The following LRRC27 variants were observed in gnomAD, a reference collection of about 807,000 sequenced individuals.
The protein encoded by LRRC27 is leucine-rich repeat-containing protein 27.
In LRRC27, 57 loss-of-function variants were observed where a neutral mutation model predicts 55.0. The ratio of observed to expected loss-of-function variants is 1.04; its 90% CI spans 0.84 to 1.29. LRRC27 has a LOEUF of 1.29. Among genes scored for constraint, LRRC27 ranks in the 50% most tolerant of loss-of-function variants. The pLI, the probability that LRRC27 is intolerant of heterozygous loss-of-function variation, is 0.00. For synonymous variants in LRRC27, 278 were observed against 251.9 expected (o/e 1.10, Z -0.98); for missense variants, 721 against 651.5 (o/e 1.11, Z -1.16).
chr10:132,337,359 G>A (rs928979378), intron 2 of LRRC27: 36 of 1,354,362 alleles, frequency 2.7e-5, no homozygotes, highest in South Asian at 1.5e-4. Flanking sequence ...TCCAAAGGCC[G>A]CCGGAAGGAG....
intron 5 of LRRC27, among the ~76,000 whole-genome samples, chr10:132,346,522 A>G (rs187163250): frequency 7.2e-5 from 11 of 152,266 alleles, no homozygotes; most frequent in African/African-American, 2.4e-4. Context: ...TAAAAATACA[A>G]AAAATTAGTT....
chr10:132,337,844 G>T, intron 3 of LRRC27, 149 bp downstream of exon 3: 1 of 875,840 alleles, frequency 1.1e-6, no homozygotes, highest in Non-Finnish European at 1.7e-6. Context: ...AAGAGGTTGC[G>T]ACGGCTGAAT....
chr10:132,368,360 C>A (rs1016905545), intron 10 of LRRC27, among the ~76,000 whole-genome samples: 3 of 152,062 alleles, frequency 2.0e-5, no homozygotes, highest in Non-Finnish European at 4.4e-5. Context: ...AGGATGAGAC[C>A]TAGAATATCC....
chr10:132,359,943 GC>G (rs2068531108), intron 8 of LRRC27, among the ~76,000 whole-genome samples: 1 of 152,146 alleles, frequency 6.6e-6, no homozygotes, highest in African/African-American at 2.4e-5. Flanking sequence ...TTGGTTCTTT[GC>G]TTGCTCACTC....
At chr10:132,353,698 G>C (rs535320600) in intron 7 of LRRC27, among the ~76,000 whole-genome samples, 1 of 152,194 alleles carries the variant, frequency 6.6e-6, no homozygotes, top group South Asian at 2.1e-4. Context: ...TGCTGGCCAC[G>C]GGCCACAGCT....
chr10:132,333,004 A>C lies in LRRC27; in HGVS notation c.-48-473A>C, dbSNP rs1338941486. ...CCCGGTGCTTAACTGGGTGTAAGCC[A>C]GACTTAGTTCTGGTCACTGGGTCAA... On this transcript the variant is annotated intron_variant, in intron 1 of 10. Coordinates refer to ENST00000368614, the MANE Select transcript of LRRC27 (RefSeq NM_030626.3). 1.3e-5 allele frequency among the ~76,000 whole-genome samples: 2 copies of C among 152,250 alleles called. 1 individual carries two copies. The highest frequency in any genetic ancestry group is 3.8e-4 in the East Asian group (2 of 5,206).
At chr10:132,366,267 G>A (rs1372216032) in intron 10 of LRRC27, 1 of 152,990 alleles carries the variant, frequency 6.5e-6, no homozygotes, top group Non-Finnish European at 1.5e-5. Flanking sequence ...GAGGCCACCG[G>A]ACCATGGCTG....
At chr10:132,345,324 G>A (rs1217246895) in intron 5 of LRRC27, among the ~76,000 whole-genome samples, 3 of 152,176 alleles carry the variant, frequency 2.0e-5, no homozygotes, top group African/African-American at 7.2e-5. Context: ...TAAGAAAAAT[G>A]CATGTTTGGA....
At chr10:132,343,102 G>A (rs184062735) in intron 4 of LRRC27, among the ~76,000 whole-genome samples, 19 of 152,288 alleles carry the variant, frequency 1.2e-4, no homozygotes, top group Admixed American at 1.2e-3. Flanking sequence ...GAAGCCAGGA[G>A]TTTGAAACCA....
At chr10:132,349,174 T>A (rs1395339109) in intron 6 of LRRC27, 20 of 748,030 alleles carry the variant, frequency 2.7e-5, no homozygotes, top group Non-Finnish European at 4.6e-5. Flanking sequence ...GATCATGCAT[T>A]CTCAAGGGGC....
chr10:132,363,933 C>T (rs939492288), intron 9 of LRRC27, among the ~76,000 whole-genome samples: 2 of 152,018 alleles, frequency 1.3e-5, no homozygotes, highest in Non-Finnish European at 2.9e-5. Context: ...TATTAACTCC[C>T]CAACCTCGTG....
chr10:132,352,892 C>T (rs1220594482), intron 7 of LRRC27: 1 of 1,613,850 alleles, frequency 6.2e-7, no homozygotes, highest in Admixed American at 1.7e-5. Flanking sequence ...TCCTTTCCTC[C>T]TCATTTTCCC....
At chr10:132,330,725 G>A (rs2066663462), upstream of LRRC27, among the ~76,000 whole-genome samples, 1 of 146,602 alleles carries the variant, frequency 6.8e-6, no homozygotes, top group Non-Finnish European at 1.5e-5. Flanking sequence ...GCCCAGGCTG[G>A]TCTCCAACTC....
rs1016402211 is a variant in LRRC27, at chr10:132,348,009, C to G, written c.579C>G (p.Thr193=). The change falls in exon 6 of 11, where the codon ACC becomes ACG. Residue 193 remains threonine, a synonymous_variant. Transcript: ENST00000368614. The surrounding 1 kb of genome is among the most constrained non-coding windows in gnomAD (Gnocchi z 4.2). Reference sequence around the variant, plus strand: ...AGGCTCCACCGGTTAGAGAGATGACCCTCCGTGACCTCCCGAGCCCAGGAC... The same window carrying G: ...AGGCTCCACCGGTTAGAGAGATGACGCTCCGTGACCTCCCGAGCCCAGGAC... ...SQEAPPVREM[T]LRDLPSPGLE... is the part of the protein sequence containing the mutation. 1.9e-6 allele frequency: 3 copies of G among 1,610,228 alleles called. No individual in the cohort carries two copies. Among genetic ancestry groups the G allele is most frequent in the African/African-American group, 2.7e-5 (2 of 74,740 alleles).
chr10:132,365,557 A>G lies in LRRC27; in HGVS notation c.1416+7A>G, dbSNP rs2069036698. ...TGCCGAGGATCTGGAAATTGTAAGGATTTCTTGGTTCTGTTTAAAAAAGTG... is the reference window on the plus strand; with the variant it reads ...TGCCGAGGATCTGGAAATTGTAAGGGTTTCTTGGTTCTGTTTAAAAAAGTG... On this transcript the variant is annotated splice_region_variant and intron_variant, in intron 10 of 10. Transcript: ENST00000368614. 6.2e-7 allele frequency: 1 copy of G among 1,611,912 alleles called. No homozygotes were observed. The highest frequency in any genetic ancestry group is 1.3e-5 in the African/African-American group (1 of 74,722).
At chr10:132,350,058 T>A (rs2067930168) in intron 6 of LRRC27, among the ~76,000 whole-genome samples, 3 of 152,150 alleles carry the variant, frequency 2.0e-5, no homozygotes, top group African/African-American at 7.2e-5. Flanking sequence ...TGCTCCTCTG[T>A]GTTCTCTGGC....
Position 132,365,446 on chromosome 10 carries a change from G to A in LRRC27, c.1312G>A (p.Glu438Lys), listed in dbSNP as rs371134198. ...CAGTGCCCTGCAGGAGAGAAATTTA[G>A]AAGAGAAGATAAAACAGCACGTCCT... ...EMSALQERNL[E>K]EKIKQHVLQM... Residue 438 changes from glutamate (E) to lysine (K), a missense_variant, in exon 10 of 11, where the codon GAA (glutamate) becomes AAA (lysine). By Grantham distance (56) the Glu-to-Lys change is moderately conservative. Transcript: ENST00000368614. 2.5e-6 allele frequency: 4 copies of A among 1,613,716 alleles called. No individual in the cohort carries two copies. The highest frequency in any genetic ancestry group is 3.4e-6 in the Non-Finnish European group (4 of 1,179,970).
chr10:132,336,163 C>T (rs1443586110), intron 2 of LRRC27, among the ~76,000 whole-genome samples: 1 of 152,206 alleles, frequency 6.6e-6, no homozygotes, highest in Admixed American at 6.5e-5. Flanking sequence ...ATTCCTTTTA[C>T]TGGCATTGAG....
In LRRC27 at chr10:132,348,355, A is replaced by G. The variant is rs373219092; in HGVS notation, c.925A>G (p.Arg309Gly). ...KELPKPRHVF[R>G]RKTASSRSIL... ...ACTACCAAAGCCAAGACACGTTTTC[A>G]GGTAAAACTGAAAAGCAACGGGGGA... Residue 309 changes from arginine to glycine, a missense_variant and splice_region_variant, in exon 6 of 11, where the codon AGA becomes GGA. Physicochemically the swap from Arg to Gly is moderately radical, Grantham distance 125 (BLOSUM62 -2). Transcript: ENST00000368614. The surrounding 1 kb of genome is among the most constrained non-coding windows in gnomAD (Gnocchi z 4.2). 1.7e-5 allele frequency: 28 copies of G among 1,603,006 alleles called. No homozygotes were observed. The highest frequency in any genetic ancestry group is 2.4e-5 in the Non-Finnish European group (28 of 1,173,164).
Sources: gnomAD v4.1 joint callset for allele counts (sites outside exome capture counted in the v4.1 genomes callset) on GRCh38, gnomAD v4.1.1 for gene constraint, Gnocchi (gnomAD v3.1) non-coding constraint, MANE v1.5 for transcripts, NCBI Gene and HGNC (gene_info 2026-07-23, HGNC 2026-07-21) for gene names.